Variants in BICDL1 observed in about 807,000 individuals in gnomAD.
The protein encoded by BICDL1 is BICD family-like cargo adapter 1.
Under a neutral mutation model 76.8 loss-of-function variants are expected in BICDL1, and 20 were observed. The ratio of observed to expected loss-of-function variants is 0.26; its 90% CI spans 0.18 to 0.38. BICDL1 has a LOEUF of 0.38. Ranked by LOEUF, BICDL1 falls within the 10% of genes least tolerant of loss-of-function variation. BICDL1 has a pLI of 1.00. For missense variants in BICDL1, 700 were observed against 798.6 expected, an observed-to-expected ratio of 0.88 and a Z score of 1.49; for synonymous variants, 383 against 337.1, an observed-to-expected ratio of 1.14 and a Z score of -1.49.
chr12:120,088,963 C>T (rs1225480184), intron 8 of BICDL1, among the ~76,000 whole-genome samples: 1 of 152,228 alleles, frequency 6.6e-6, no homozygotes, highest in Non-Finnish European at 1.5e-5. Context: ...CGCACCCGGC[C>T]TACTTTATGG....
At chr12:120,073,326 A>G (rs1486542862) in intron 6 of BICDL1, among the ~76,000 whole-genome samples, 1 of 152,244 alleles carries the variant, frequency 6.6e-6, no homozygotes, top group Non-Finnish European at 1.5e-5. Context: ...TTCCAGTTTA[A>G]GGGCTTTCCT....
chr12:120,091,379 CAA>C, intron 9 of BICDL1: 1 of 1,012,854 alleles, frequency 9.9e-7, no homozygotes, highest in Non-Finnish European at 1.2e-6. Flanking sequence ...GTGTGCCAAA[CAA>C]AACATTGGCA....
chr12:120,026,175 T>C (rs1374514728), intron 2 of BICDL1, among the ~76,000 whole-genome samples: 1 of 152,174 alleles, frequency 6.6e-6, no homozygotes, highest in Non-Finnish European at 1.5e-5. Context: ...TGAAGTATTT[T>C]TTGTAGAATT....
In BICDL1 at chr12:120,081,069, A is replaced by G. The variant is rs928810530; in HGVS notation, c.1583+52A>G. On this transcript the variant is annotated intron_variant, in intron 8 of 9. Transcript: ENST00000548673. ...CTTAAGATAAAGTTGAGTATATAGA[A>G]TTGAGCATATGCTCAATTTTTTAAA... The G allele has an allele frequency of 2.6e-5, 40 of 1,559,594 alleles. 1 individual carries two copies. The highest frequency in any genetic ancestry group is 3.0e-5 in the Non-Finnish European group (34 of 1,140,924).
At position 120,074,446 on chromosome 12, in the gene BICDL1, T is replaced by A. The variant is rs1395374915; in HGVS notation, c.1312T>A (p.Ser438Thr). The A allele has an allele frequency of 8.3e-7, 1 of 1,210,584 alleles. No individual in the cohort carries two copies. The highest frequency in any genetic ancestry group is 1.5e-5 in the South Asian group (1 of 68,740). The allele number at this position is 1,210,584 out of a possible 1,614,324, so 75.0% of individuals were successfully genotyped here. ...SIVDGMEPTG[S>T]RRLDDDSLEE... ...GCTGTCTTTCTTTTACTGTCAGGGC[T>A]CCCGGAGACTTGATGATGACTCCTT... is the stretch of plus-strand genomic sequence containing the variant. Residue 438 changes from serine to threonine, a missense_variant, in exon 7 of 10, where the codon TCC becomes ACC. This residue lies in a region of BICDL1 where 455 missense variants were observed against 548.7 expected (regional missense o/e 0.83). Transcript: ENST00000548673.
chr12:120,021,911 A>G (rs1952190954), intron 2 of BICDL1, among the ~76,000 whole-genome samples: 1 of 149,138 alleles, frequency 6.7e-6, no homozygotes, highest in East Asian at 1.9e-4. Context: ...TCTCAAATAA[A>G]ATAAAATAAA....
intron 2 of BICDL1, among the ~76,000 whole-genome samples, chr12:120,013,375 A>G (rs1484825748): frequency 2.7e-5 from 4 of 150,322 alleles, no homozygotes; most frequent in African/African-American, 9.8e-5. Context: ...ATGTCACATG[A>G]TTATATTTCT....
In BICDL1 at chr12:120,071,535, G is replaced by A; in HGVS notation, c.910-87G>A. The A allele has an allele frequency of 2.1e-6, 3 of 1,455,988 alleles. No individual in the cohort carries two copies. The highest frequency in any genetic ancestry group is 1.8e-6 in the Non-Finnish European group (2 of 1,099,760). The allele number at this position is 1,455,988 out of a possible 1,614,324, so 90.2% of individuals were successfully genotyped here. On this transcript the variant is annotated intron_variant, in intron 4 of 9. Transcript: ENST00000548673. The surrounding 1 kb of genome is among the most constrained non-coding windows in gnomAD (Gnocchi z 4.8). ...TTTATTTTTCTATAAATTGGTGGTTGGATCCAGAAGCATGATCAGGTTGAG... is the reference window on the plus strand; with the variant it reads ...TTTATTTTTCTATAAATTGGTGGTTAGATCCAGAAGCATGATCAGGTTGAG...
intron 8 of BICDL1, among the ~76,000 whole-genome samples, 156 bp from the exon 9 acceptor site, chr12:120,089,795 T>C (rs17841967): frequency 0.13 from 19,148 of 152,298 alleles, 1,541 homozygotes; most frequent in East Asian, 0.4. Flanking sequence ...ACTAACCCTC[T>C]GCAGGCAACA....
chr12:120,009,859 G>A (rs771602181), intron 2 of BICDL1, among the ~76,000 whole-genome samples: 4 of 152,194 alleles, frequency 2.6e-5, no homozygotes, highest in Admixed American at 6.5e-5. Context: ...GACACAGATA[G>A]CATCATCTCC....
chr12:120,092,401 C>T (rs1875050669), intron 9 of BICDL1: 1 of 985,350 alleles, frequency 1.0e-6, no homozygotes, highest in Non-Finnish European at 1.2e-6. Context: ...GGCCCCTGGC[C>T]TCTGCCGCAG....
intron 2 of BICDL1, among the ~76,000 whole-genome samples, chr12:120,058,884 G>T (rs1260501532): frequency 6.6e-6 from 1 of 151,976 alleles, no homozygotes; most frequent in African/African-American, 2.4e-5. Flanking sequence ...AGCCACTGCA[G>T]CTGGCCTTAG....
chr12:120,068,289 C>T (rs1872807302), intron 4 of BICDL1, among the ~76,000 whole-genome samples: 1 of 152,182 alleles, frequency 6.6e-6, no homozygotes, highest in Non-Finnish European at 1.5e-5. Context: ...AATAAATTAG[C>T]TTAATTTAAA....
intron 8 of BICDL1, among the ~76,000 whole-genome samples, chr12:120,085,689 C>T (rs1424763369): frequency 1.3e-5 from 2 of 148,990 alleles, no homozygotes; most frequent in African/African-American, 5.0e-5. Flanking sequence ...GTGGTACATT[C>T]TTGGAGTCGC....
intron 2 of BICDL1, among the ~76,000 whole-genome samples, chr12:120,053,049 G>A (rs1952897705): frequency 1.3e-5 from 2 of 152,128 alleles, no homozygotes; most frequent in South Asian, 4.1e-4. Flanking sequence ...CAAAGTGTTG[G>A]GATTACAGGC....
Position 120,074,452 on chromosome 12 carries a change from A to C in BICDL1, c.1318A>C (p.Arg440=), listed in dbSNP as rs1156681032. 1 of 1,220,532 alleles carries C rather than the reference A, an allele frequency of 8.2e-7. No homozygotes were observed. The highest frequency in any genetic ancestry group is 3.0e-5 in the Admixed American group (1 of 33,276). The allele number at this position is 1,220,532 out of a possible 1,614,324, so 75.6% of individuals were successfully genotyped here. Residue 440 remains arginine (R), a synonymous_variant, in exon 7 of 10, where the codon AGA becomes CGA. Transcript: ENST00000548673. ...TTTCTTTTACTGTCAGGGCTCCCGG[A>C]GACTTGATGATGACTCCTTAGAAGA... ...VDGMEPTGSR[R]LDDDSLEEQI...
intron 2 of BICDL1, among the ~76,000 whole-genome samples, chr12:120,048,734 A>G (rs1271286007): frequency 6.6e-6 from 1 of 152,180 alleles, no homozygotes; most frequent in Non-Finnish European, 1.5e-5. Context: ...TTGAAATCTA[A>G]GATGGTACCA....
At chr12:120,032,048 C>A (rs993683031) in intron 2 of BICDL1, among the ~76,000 whole-genome samples, 2 of 152,202 alleles carry the variant, frequency 1.3e-5, no homozygotes, top group African/African-American at 2.4e-5. Context: ...GCTATGATCA[C>A]ACTACTGCAC....
intron 2 of BICDL1, among the ~76,000 whole-genome samples, chr12:120,031,912 G>C (rs934743019): frequency 6.6e-6 from 1 of 151,852 alleles, no homozygotes; most frequent in Non-Finnish European, 1.5e-5. Context: ...GCAATATAAT[G>C]AGACCCTGTC....
Sources: gnomAD v4.1 joint callset for allele counts (sites outside exome capture counted in the v4.1 genomes callset) on GRCh38, gnomAD v4.1.1 for gene constraint, gnomAD v4.1.1 regional missense constraint, Gnocchi (gnomAD v3.1) non-coding constraint, MANE v1.5 for transcripts, NCBI Gene and HGNC (gene_info 2026-07-23, HGNC 2026-07-21) for gene names.